Variants in ZNF804B observed in about 807,000 individuals in gnomAD.
ZNF804B encodes zinc finger protein 804B, also known as zinc finger 804B.
ZNF804B carries 80 observed loss-of-function variants against 101.4 expected under a neutral mutation model. The observed-to-expected ratio is 0.79, with a 90% CI of 0.66 to 0.95. The LOEUF (loss-of-function observed/expected upper bound fraction) is 0.95. Ranked by LOEUF, ZNF804B falls within the 40% of genes least tolerant of loss-of-function variation. ZNF804B has a pLI of 0.00. For synonymous variants in ZNF804B, 622 were observed against 558.8 expected (o/e 1.11, Z -1.59); for missense variants, 1,673 against 1,561.9 (o/e 1.07, Z -1.20).
chr7:89,033,990 C>G lies in ZNF804B; in HGVS notation c.109-184165C>G, dbSNP rs188158120. Among the ~76,000 whole-genome samples the G allele has an allele frequency of 3.5e-3, 537 of 152,034 alleles. 1 individual carries two copies. Among genetic ancestry groups the G allele is most frequent in the Non-Finnish European group, 5.4e-3 (369 of 67,954 alleles). ...ACAAGTTTCATTGTTCCTTTTTAAACACGAAGAAAACATAATAATGTGTTA... is the reference window on the plus strand; with the variant it reads ...ACAAGTTTCATTGTTCCTTTTTAAAGACGAAGAAAACATAATAATGTGTTA... On this transcript the variant is annotated intron_variant, in intron 1 of 3. Coordinates refer to ENST00000333190, the MANE Select transcript of ZNF804B (RefSeq NM_181646.5).
intron 2 of ZNF804B, among the ~76,000 whole-genome samples, chr7:89,298,127 ATATATATATATATATCATATATATAG>A (rs1790411857): frequency 1.3e-3 from 2 of 1,554 alleles, no homozygotes; most frequent in African/African-American, 9.9e-3. Flanking sequence ...TTTCATATAA[ATATATATATATATATCATATATATAG>A]TATATATATA....
chr7:88,998,676 A>G (rs926503890), intron 1 of ZNF804B, among the ~76,000 whole-genome samples: 3 of 152,042 alleles, frequency 2.0e-5, no homozygotes, highest in East Asian at 1.9e-4. Flanking sequence ...AATTTTGAGA[A>G]AACCTGGAGA....
At chr7:89,310,197 C>T (rs555456739) in intron 2 of ZNF804B, among the ~76,000 whole-genome samples, 48 of 152,092 alleles carry the variant, frequency 3.2e-4, no homozygotes, top group Middle Eastern at 3.4e-3. Context: ...GAGGATAAAG[C>T]CACATGTTTA....
intron 1 of ZNF804B, among the ~76,000 whole-genome samples, chr7:89,051,514 AC>A (rs1384368514): frequency 6.6e-6 from 1 of 152,144 alleles, no homozygotes. Context: ...TTGCTATTTT[AC>A]CATTCAAGCT....
At chr7:88,914,379 G>A (rs1036928602) in intron 1 of ZNF804B, among the ~76,000 whole-genome samples, 1 of 152,010 alleles carries the variant, frequency 6.6e-6, no homozygotes, top group Non-Finnish European at 1.5e-5. Flanking sequence ...GATTGCCCCT[G>A]CTAATACTCT....
rs3084379 is a variant in ZNF804B, at chr7:88,777,846, T to TAAAA, written c.108+17780_108+17783dup. 5.1e-4 allele frequency among the ~76,000 whole-genome samples: 55 copies of TAAAA among 107,546 alleles called. No individual in the cohort carries two copies. The East Asian group carries it at 7.3e-3, about 14-fold the overall frequency. The allele number at this position is 107,546 out of a possible 152,430, so 70.6% of individuals were successfully genotyped here. ...ATGGGTGACAGAGTGAGACTCCATC[T>TAAAA]AAAAAAAAAAAAAAAAAAAAATTGC... On this transcript the variant is annotated intron_variant, in intron 1 of 3. Transcript: ENST00000333190.
intron 1 of ZNF804B, among the ~76,000 whole-genome samples, chr7:89,008,321 A>G: frequency 6.6e-6 from 1 of 152,032 alleles, no homozygotes; most frequent in East Asian, 1.9e-4. Context: ...TGAATCATAT[A>G]AAGTTAATCT....
rs1178284476 is a variant in ZNF804B at position 89,337,453 on chromosome 7, AG to A, written c.*423del. Among the ~76,000 whole-genome samples, 1 of 152,164 alleles carries A rather than the reference AG, an allele frequency of 6.6e-6. No homozygotes were observed. The highest frequency in any genetic ancestry group is 1.5e-5 in the Non-Finnish European group (1 of 68,004). ...TTTGGCTTATTTGTTAGATAATAAA[AG>A]GTCAGTGAAATGAAGCAATTATTTA... On this transcript the variant is annotated 3_prime_UTR_variant, in exon 4 of 4. Transcript: ENST00000333190.
rs559421372 is a variant in ZNF804B, at chr7:89,068,193, G to A, written c.109-149962G>A. ...TAATTAGTGTTGTGAAGTTATTAAGGCAGAATTGGGTAAATAAGAAAAATA... is the reference window on the plus strand; with the variant it reads ...TAATTAGTGTTGTGAAGTTATTAAGACAGAATTGGGTAAATAAGAAAAATA... On this transcript the variant is annotated intron_variant, in intron 1 of 3. Transcript: ENST00000333190. Among the ~76,000 whole-genome samples, 8 of 149,930 alleles carry A rather than the reference G, an allele frequency of 5.3e-5. No homozygotes were observed. In the South Asian group the frequency reaches 1.7e-3, roughly 32 times the overall value.
chr7:89,019,682 ATTAT>A (rs1176035597), intron 1 of ZNF804B, among the ~76,000 whole-genome samples: 3 of 151,986 alleles, frequency 2.0e-5, no homozygotes, highest in African/African-American at 7.2e-5. Context: ...ATATATAATT[ATTAT>A]ATCCTCTTAC....
intron 1 of ZNF804B, among the ~76,000 whole-genome samples, chr7:88,882,739 A>T (rs1218465996): frequency 6.6e-6 from 1 of 152,162 alleles, no homozygotes; most frequent in African/African-American, 2.4e-5. Context: ...AGTCTAAGTG[A>T]ATTAATGCAG....
chr7:88,943,780 AT>A (rs1178424822), intron 1 of ZNF804B, among the ~76,000 whole-genome samples: 4 of 151,790 alleles, frequency 2.6e-5, no homozygotes, highest in African/African-American at 9.7e-5. Context: ...CACAGATCTG[AT>A]TTCTGCACCT....
intron 1 of ZNF804B, among the ~76,000 whole-genome samples, chr7:88,852,116 G>C (rs1257232733): frequency 1.3e-5 from 2 of 152,052 alleles, no homozygotes; most frequent in Non-Finnish European, 2.9e-5. Flanking sequence ...CTCAAAGAGG[G>C]AATGCAAAAG....
intron 1 of ZNF804B, among the ~76,000 whole-genome samples, chr7:88,904,427 G>A (rs555614587): frequency 1.3e-5 from 2 of 152,106 alleles, no homozygotes; most frequent in Non-Finnish European, 2.9e-5. Flanking sequence ...GATTGCTTTG[G>A]CTATTCAGGC....
chr7:89,136,702 CT>C (rs1156791576), intron 1 of ZNF804B, among the ~76,000 whole-genome samples: 1 of 150,618 alleles, frequency 6.6e-6, no homozygotes, highest in Non-Finnish European at 1.5e-5. Flanking sequence ...AGAATTTTTT[CT>C]TTTTAAGGCT....
intron 1 of ZNF804B, among the ~76,000 whole-genome samples, chr7:88,853,634 A>G (rs962711905): frequency 2.0e-5 from 3 of 152,164 alleles, no homozygotes; most frequent in Non-Finnish European, 4.4e-5. Flanking sequence ...AAAATGCTAT[A>G]TATAACTCAA....
At chr7:88,937,501 G>C (rs1792990441) in intron 1 of ZNF804B, among the ~76,000 whole-genome samples, 1 of 152,022 alleles carries the variant, frequency 6.6e-6, no homozygotes, top group South Asian at 2.1e-4. Context: ...CAAAACCCCA[G>C]CTTCCCTATA....
intron 1 of ZNF804B, among the ~76,000 whole-genome samples, chr7:88,850,070 A>G (rs180876094): frequency 1.3e-5 from 2 of 152,210 alleles, no homozygotes; most frequent in Non-Finnish European, 2.9e-5. Flanking sequence ...ATCAGATAAT[A>G]GACTAGATTT....
intron 1 of ZNF804B, among the ~76,000 whole-genome samples, chr7:89,056,086 A>G (rs935578500): frequency 6.6e-6 from 1 of 152,136 alleles, no homozygotes; most frequent in South Asian, 2.1e-4. Context: ...ACAAGGTTAG[A>G]GGAGCATTGA....
Sources: gnomAD v4.1 joint callset for allele counts (sites outside exome capture counted in the v4.1 genomes callset) on GRCh38, gnomAD v4.1.1 for gene constraint, MANE v1.5 for transcripts, NCBI Gene and HGNC (gene_info 2026-07-23, HGNC 2026-07-21) for gene names.